The following GDPD5 variants were observed in gnomAD, a reference collection of about 807,000 sequenced individuals.
GDPD5 encodes glycerophosphodiester phosphodiesterase 2.
In GDPD5, 48 loss-of-function variants were observed where a neutral mutation model predicts 75.1. The observed-to-expected ratio is 0.64, with a 90% confidence interval of 0.51 to 0.81. The LOEUF is 0.81. Ranked by LOEUF, GDPD5 falls within the 40% of genes least tolerant of loss-of-function variation. The pLI, the probability that GDPD5 is intolerant of heterozygous loss-of-function variation, is 0.00. For synonymous variants in GDPD5, 336 were observed against 339.0 expected (o/e 0.99, Z 0.10); for missense variants, 706 against 822.6 (o/e 0.86, Z 1.73).
chr11:75,508,862 G>C (rs549320670), intron 1 of GDPD5: 25 of 152,422 alleles, frequency 1.6e-4, no homozygotes, highest in African/African-American at 5.5e-4. Context: ...GGGGTGCTGG[G>C]CACAACCTAG....
At position 75,448,969 on chromosome 11, in the gene GDPD5, G is replaced by A. The variant is rs1949058149; in HGVS notation, c.714+8C>T. 6.4e-7 allele frequency: 1 copy of A among 1,557,216 alleles called. No homozygotes were observed. On this transcript the variant is annotated splice_region_variant and intron_variant, in intron 9 of 16. Transcript: ENST00000336898. ...ACGGGGCTGTTAGGACCCTGAGGTG[G>A]CACTCACCATGGGGGCCCCGCGGTG...
chr11:75,514,589 C>G (rs1370276469), intron 1 of GDPD5, among the ~76,000 whole-genome samples: 1 of 152,216 alleles, frequency 6.6e-6, no homozygotes, highest in Non-Finnish European at 1.5e-5. Context: ...TCAAGAGGCT[C>G]TGGCCATTGA....
At chr11:75,449,811 G>A in intron 7 of GDPD5, 74 bp downstream of exon 7, 1 of 1,505,504 alleles carries the variant, frequency 6.6e-7, no homozygotes, top group Non-Finnish European at 9.2e-7. Flanking sequence ...CCCTTCTTTG[G>A]GCCTTGGTCT....
intron 6 of GDPD5, 72 bp from the exon 7 acceptor site, chr11:75,450,055 G>T (rs767228461): frequency 3.2e-6 from 4 of 1,258,438 alleles, no homozygotes; most frequent in East Asian, 2.4e-5. Context: ...TGAGAGAGGA[G>T]CCAGAGGGAG....
intron 5 of GDPD5, 144 bp downstream of exon 5, chr11:75,457,549 G>T: frequency 1.7e-6 from 1 of 581,110 alleles, no homozygotes; most frequent in East Asian, 2.9e-5. Context: ...TACTTCCTTA[G>T]GATACATTCC....
rs373377198 is a variant in GDPD5 at position 75,462,736 on chromosome 11, G to A, written c.221+50C>T. 1.1e-5 allele frequency: 15 copies of A among 1,422,194 alleles called. No homozygotes were observed. The African/African-American group carries it at 2.1e-4, about 20-fold the overall frequency. The allele number at this position is 1,422,194 out of a possible 1,614,324, so 88.1% of individuals were successfully genotyped here. On this transcript the variant is annotated intron_variant, in intron 4 of 16. Transcript: ENST00000336898. ...CTCCAGCCCCCAGGTCCCAGCTACT[G>A]GATACCCAGCTCTGGGCCCCTTCCT...
chr11:75,524,444 G>T (rs1301030434), intron 1 of GDPD5, among the ~76,000 whole-genome samples: 2 of 152,192 alleles, frequency 1.3e-5, no homozygotes, highest in Non-Finnish European at 2.9e-5. Context: ...TGTGGCTCAA[G>T]GACTCACTGG....
chr11:75,507,880 C>T, intron 1 of GDPD5, among the ~76,000 whole-genome samples: 1 of 152,230 alleles, frequency 6.6e-6, no homozygotes, highest in East Asian at 1.9e-4. Context: ...GACAGGACAC[C>T]CAGCCTCAGC....
Position 75,448,862 on chromosome 11 carries a change from T to A in GDPD5, c.714+115A>T, listed in dbSNP as rs1949053996. 3.1e-6 allele frequency: 4 copies of A among 1,292,000 alleles called. No individual in the cohort carries two copies. The East Asian group carries it at 1.1e-4, about 37-fold the overall frequency. The allele number at this position is 1,292,000 out of a possible 1,614,324, so 80.0% of individuals were successfully genotyped here. On this transcript the variant is annotated intron_variant, in intron 9 of 16. Coordinates refer to ENST00000336898, the MANE Select transcript of GDPD5 (RefSeq NM_030792.8). ...TTTTTGCCAGTCCTTCCCATGTACC[T>A]CCCCTCAAAAAGCTACAAATGGTTG...
rs753229314 is a variant in GDPD5, at chr11:75,457,804, G to A, written c.222-18C>T. Reference sequence around the variant, plus strand: ...AGAGGTACCTGCCAGGAGGAGAGGGGGCAGGGGTCAGACCTCCACCAGGCC... The same window carrying A: ...AGAGGTACCTGCCAGGAGGAGAGGGAGCAGGGGTCAGACCTCCACCAGGCC... On this transcript the variant is annotated intron_variant, in intron 4 of 16. Coordinates refer to ENST00000336898, the MANE Select transcript of GDPD5 (RefSeq NM_030792.8). The A allele has an allele frequency of 2.5e-6, 4 of 1,605,628 alleles. No individual in the cohort carries two copies. Among genetic ancestry groups the A allele is most frequent in the South Asian group, 1.1e-5 (1 of 90,852 alleles).
chr11:75,499,601 G>A (rs1754403779), intron 1 of GDPD5, among the ~76,000 whole-genome samples: 1 of 151,952 alleles, frequency 6.6e-6, no homozygotes. Flanking sequence ...AATACTGACC[G>A]CCACTCCAAG....
At chr11:75,512,575 TCCAA>T (rs948445653) in intron 1 of GDPD5, among the ~76,000 whole-genome samples, 1 of 152,192 alleles carries the variant, frequency 6.6e-6, no homozygotes, top group Admixed American at 6.5e-5. Flanking sequence ...TGCAAAGGTT[TCCAA>T]CCAAAACTGT....
At chr11:75,449,427 A>G (rs1281974792) in intron 8 of GDPD5, 90 bp downstream of exon 8, 2 of 1,304,242 alleles carry the variant, frequency 1.5e-6, no homozygotes, top group African/African-American at 2.9e-5. Context: ...TCCCCAGGCC[A>G]CCCCCAGGGA....
At chr11:75,519,924 T>C (rs1248510944) in intron 1 of GDPD5, among the ~76,000 whole-genome samples, 1 of 152,248 alleles carries the variant, frequency 6.6e-6, no homozygotes, top group African/African-American at 2.4e-5. Flanking sequence ...TCACACTCTC[T>C]GCCCAGCATC....
At chr11:75,460,776 G>A (rs1949394011) in intron 4 of GDPD5, among the ~76,000 whole-genome samples, 1 of 151,956 alleles carries the variant, frequency 6.6e-6, no homozygotes, top group African/African-American at 2.4e-5. Context: ...TCAGGACTGG[G>A]CCGGGGCATC....
At chr11:75,494,677 A>G (rs1950178516) in intron 1 of GDPD5, among the ~76,000 whole-genome samples, 1 of 151,860 alleles carries the variant, frequency 6.6e-6, no homozygotes, top group South Asian at 2.1e-4. Flanking sequence ...TGATGGCCAG[A>G]TGCGGTGGCT....
intron 6 of GDPD5, 30 bp downstream of exon 6, chr11:75,456,727 T>C (rs1484990245): frequency 6.2e-7 from 1 of 1,612,612 alleles, no homozygotes; most frequent in Non-Finnish European, 8.5e-7. Flanking sequence ...TCCCTTGCTC[T>C]CTCCCAGCCC....
At chr11:75,508,250 C>T (rs1003801810) in intron 1 of GDPD5, 5 of 152,218 alleles carry the variant, frequency 3.3e-5, no homozygotes, top group African/African-American at 7.2e-5. Flanking sequence ...AGGAAGTTGA[C>T]AAGAATTTCC....
intron 13 of GDPD5, 107 bp from the exon 14 acceptor site, chr11:75,441,417 G>C (rs1948798335): frequency 6.3e-6 from 9 of 1,419,978 alleles, no homozygotes; most frequent in Non-Finnish European, 8.8e-6. Flanking sequence ...GCCATGCCCG[G>C]GGCAAGGAAC....
Sources: gnomAD v4.1 joint callset for allele counts (sites outside exome capture counted in the v4.1 genomes callset) on GRCh38, gnomAD v4.1.1 for gene constraint, MANE v1.5 for transcripts, NCBI Gene and HGNC (gene_info 2026-07-23, HGNC 2026-07-21) for gene names.